AIPL1: variants seen among roughly 807,000 people sequenced by gnomAD.
AIPL1 encodes the protein aryl-hydrocarbon-interacting protein-like 1.
Under a neutral mutation model 32.9 loss-of-function variants are expected in AIPL1, and 23 were observed. The observed-to-expected ratio is 0.70, with a 90% confidence interval of 0.50 to 0.99. The LOEUF is 0.99. Ranked by LOEUF, AIPL1 falls within the 50% of genes least tolerant of loss-of-function variation. The probability of loss-of-function intolerance (pLI) is 0.00; values close to 1 mark genes in which losing one functional copy is unlikely to be tolerated. For missense variants in AIPL1, 485 were observed against 506.0 expected (o/e 0.96, Z 0.40); for synonymous variants, 210 against 209.4 (o/e 1.00, Z -0.02).
In AIPL1 at chr17:6,426,901, G is replaced by A; in HGVS notation, c.622C>T (p.Leu208=). The A allele has an allele frequency of 7.4e-6, 12 of 1,614,194 alleles. No homozygotes were observed. Among genetic ancestry groups the A allele is most frequent in the Non-Finnish European group, 1.0e-5 (12 of 1,180,046 alleles). ...CTGACCTTGGTCTGCAGGTTCCTTAGGCAGATGATGGCCTCCTGGTACTTG... is the reference window on the plus strand; with the variant it reads ...CTGACCTTGGTCTGCAGGTTCCTTAAGCAGATGATGGCCTCCTGGTACTTG... The part of the protein sequence containing the change: ...SSKYQEAIIC[L]RNLQTKEKPW... The change falls in exon 4 of 6, where the codon CTA becomes TTA. Residue 208 remains leucine, a synonymous_variant. Coordinates refer to ENST00000381129, the MANE Select transcript of AIPL1 (RefSeq NM_014336.5).
At position 6,428,401 on chromosome 17, in the gene AIPL1, C is replaced by T. The variant is rs751216669; in HGVS notation, c.382G>A (p.Ala128Thr). The change falls in exon 3 of 6, where the codon GCC (alanine) becomes ACC (threonine). Residue 128 changes from alanine (A) to threonine (T), a missense_variant. Coordinates refer to ENST00000381129, the MANE Select transcript of AIPL1 (RefSeq NM_014336.5). The part of the protein sequence containing the change: ...VHTCGLANMF[A>T]YHTLGYEDLD... Reference sequence around the variant, plus strand: ...TCCTCGTAGCCCAGCGTGTGGTAGGCGAACATGTTGGCCAGCCCGCACGTG... The same window carrying T: ...TCCTCGTAGCCCAGCGTGTGGTAGGTGAACATGTTGGCCAGCCCGCACGTG... The T allele has an allele frequency of 3.2e-5, 51 of 1,613,076 alleles. No individual in the cohort carries two copies. Among genetic ancestry groups the T allele is most frequent in the Non-Finnish European group, 3.8e-5 (45 of 1,180,050 alleles).
intron 2 of AIPL1, among the ~76,000 whole-genome samples, chr17:6,433,611 T>TCTCTCTCTCTCA (rs758622569): frequency 1.6e-4 from 17 of 106,300 alleles, no homozygotes; most frequent in Middle Eastern, 4.4e-3. Flanking sequence ...TCTCTCTCTC[T>TCTCTCTCTCTCA]CACACACACA....
In AIPL1 at chr17:6,425,307, G is replaced by GTTTTT. The variant is rs77115868; in HGVS notation, c.*148_*152dup. ...TAAGCTCTTCTGTACCCTTGGGATT[G>GTTTTT]TTTTTTTTTTTTTTTTTACCATGGG... On this transcript the variant is annotated 3_prime_UTR_variant, in exon 6 of 6. Transcript: ENST00000381129. The GTTTTT allele has an allele frequency of 1.1e-4, 82 of 745,708 alleles. No individual in the cohort carries two copies. In the African/African-American group the frequency reaches 1.3e-3, roughly 11 times the overall value. The allele number at this position is 745,708 out of a possible 1,614,324, so 46.2% of individuals were successfully genotyped here.
At chr17:6,426,808 C>T (rs1397154381) in intron 4 of AIPL1, 52 bp from the exon 5 acceptor site, 2 of 1,612,470 alleles carry the variant, frequency 1.2e-6, no homozygotes, top group Non-Finnish European at 1.7e-6. Flanking sequence ...CAACCCCCGC[C>T]CCACCCTGGC....
At chr17:6,429,636 C>G (rs141236226) in intron 2 of AIPL1, among the ~76,000 whole-genome samples, 150 of 152,316 alleles carry the variant, frequency 9.8e-4, no homozygotes, top group African/African-American at 3.5e-3. Flanking sequence ...GCACACTGCC[C>G]TCACTTATTT....
intron 2 of AIPL1, among the ~76,000 whole-genome samples, chr17:6,430,133 G>A (rs1370346515): frequency 6.6e-6 from 1 of 151,772 alleles, no homozygotes; most frequent in Non-Finnish European, 1.5e-5. Context: ...CTGGGGTGAG[G>A]AGATGTGCGG....
chr17:6,426,163 T>A, intron 5 of AIPL1: 1 of 1,301,092 alleles, frequency 7.7e-7, no homozygotes, highest in Non-Finnish European at 9.8e-7. Context: ...GAGGATTAAA[T>A]GAGATAATAA....
Position 6,433,941 on chromosome 17 carries a change from G to A in AIPL1, c.254C>T (p.Ala85Val). The A allele has an allele frequency of 1.2e-6, 2 of 1,610,262 alleles. No homozygotes were observed. The highest frequency in any genetic ancestry group is 1.7e-6 in the Non-Finnish European group (2 of 1,179,320). ...TACGATGGTGTCGCACCAGAACTCG[G>A]CCACCTCGTGCACCCGCATGGAGGT... Reference protein sequence around the residue: ...LLTSMRVHEVAEFWCDTIHTG... With the variant: ...LLTSMRVHEVVEFWCDTIHTG... The change falls in exon 2 of 6, where the codon GCC becomes GTC. Residue 85 changes from alanine (A) to valine (V), a missense_variant. Coordinates refer to ENST00000381129, the MANE Select transcript of AIPL1 (RefSeq NM_014336.5).
chr17:6,426,933 GCCT>G lies in AIPL1; in HGVS notation c.587_589del (p.Glu196del). 6.2e-7 allele frequency: 1 copy of G among 1,614,190 alleles called. No homozygotes were observed. Among genetic ancestry groups the G allele is most frequent in the South Asian group, 1.1e-5 (1 of 91,086 alleles). Reference sequence around the variant, plus strand: ...GATGGCCTCCTGGTACTTGGAAGAGGCCTCCTCGTAGCGGCCCAGCTTGAAGAG... The same window carrying G: ...GATGGCCTCCTGGTACTTGGAAGAGGCCTCGTAGCGGCCCAGCTTGAAGAG... On this transcript the variant is annotated inframe_deletion, in exon 4 of 6. Transcript: ENST00000381129.
intron 5 of AIPL1, chr17:6,426,056 A>G (rs1188836619): frequency 8.8e-7 from 1 of 1,139,630 alleles, no homozygotes; most frequent in Non-Finnish European, 1.2e-6. Flanking sequence ...TTTTATATTC[A>G]TAACTTTGTT....
In AIPL1 at chr17:6,433,988, G is replaced by C. The variant is rs1273588614; in HGVS notation, c.207C>G (p.Leu69=). 40 of 1,613,738 alleles carry C rather than the reference G, an allele frequency of 2.5e-5. No homozygotes were observed. The highest frequency in any genetic ancestry group is 3.4e-5 in the Non-Finnish European group (40 of 1,179,960). Residue 69 remains leucine (L), a synonymous_variant, in exon 2 of 6, where the codon CTC becomes CTG. Coordinates refer to ENST00000381129, the MANE Select transcript of AIPL1 (RefSeq NM_014336.5). ...MHIIIGNMFK[L]EVWEILLTSM... ...AGGTAAGCAGGATCTCCCAGACCTC[G>C]AGCTTGAACATGTTTCCGATGATGA...
intron 5 of AIPL1, 182 bp downstream of exon 5, chr17:6,426,433 C>T (rs947488958): frequency 6.8e-6 from 10 of 1,459,976 alleles, no homozygotes; most frequent in South Asian, 2.8e-5. Context: ...GGCCGCCCCG[C>T]GCCAAGCACT....
intron 2 of AIPL1, among the ~76,000 whole-genome samples, chr17:6,429,729 G>A (rs921781608): frequency 6.6e-6 from 1 of 152,128 alleles, no homozygotes; most frequent in African/African-American, 2.4e-5. Flanking sequence ...AAGGGCTAGG[G>A]GCTTTGCCTG....
At position 6,425,513 on chromosome 17, in the gene AIPL1, C is replaced by T. The variant is rs746453263; in HGVS notation, c.1102G>A (p.Ala368Thr). 12 of 1,609,780 alleles carry T rather than the reference C, an allele frequency of 7.5e-6. No homozygotes were observed. The highest frequency in any genetic ancestry group is 8.5e-6 in the Non-Finnish European group (10 of 1,179,342). The part of the protein sequence containing the change: ...PSAELSAGPP[A>T]EPATEPPPSP... ...GGGGGTGGCTCTGTGGCTGGCTCTG[C>T]AGGGGGCCCTGCGGACAGCTCTGCA... Residue 368 changes from alanine to threonine, a missense_variant, in exon 6 of 6, where the codon GCA (alanine) becomes ACA (threonine). Transcript: ENST00000381129.
At chr17:6,428,244 G>A (rs1912190750) in intron 3 of AIPL1, 74 bp downstream of exon 3, 6 of 1,530,688 alleles carry the variant, frequency 3.9e-6, no homozygotes, top group East Asian at 2.3e-5. Context: ...CCAGTGGGGT[G>A]GGGGTGCCCA....
At chr17:6,434,243 C>A (rs1244025701) in intron 1 of AIPL1, 145 bp from the exon 2 acceptor site, 9 of 924,112 alleles carry the variant, frequency 9.7e-6, no homozygotes, top group Non-Finnish European at 1.5e-5. Context: ...CCTGGAGCAC[C>A]TCCACCCTGC....
In AIPL1 at chr17:6,426,712, GATC is replaced by G; in HGVS notation, c.684_686del (p.Met228del). The G allele has an allele frequency of 1.2e-6, 2 of 1,614,060 alleles. No individual in the cohort carries two copies. The highest frequency in any genetic ancestry group is 1.7e-6 in the Non-Finnish European group (2 of 1,179,964). ...GGCAGTAGTTGAGGATCAGAGTATT[GATC>G]ATCTTCTCCAGCTTCAGCCACTGCA... On this transcript the variant is annotated inframe_deletion, in exon 5 of 6. Transcript: ENST00000381129.
rs10852881 is a variant in AIPL1, at chr17:6,424,854, C to T, written c.*606G>A. ...TGCTGGGATTATAGGCGTGAGCCACCGTGCCCGACCACAGCTGTTTTCTTC... is the reference window on the plus strand; with the variant it reads ...TGCTGGGATTATAGGCGTGAGCCACTGTGCCCGACCACAGCTGTTTTCTTC... On this transcript the variant is annotated 3_prime_UTR_variant, in exon 6 of 6. Coordinates refer to ENST00000381129, the MANE Select transcript of AIPL1 (RefSeq NM_014336.5). 97,383 of 152,160 alleles carry T rather than the reference C, an allele frequency of 0.64. 32,136 individuals carry two copies. The highest frequency in any genetic ancestry group is 0.86 in the Middle Eastern group (252 of 294). The allele number at this position is 152,160 out of a possible 1,614,324, so 9.4% of individuals were successfully genotyped here.
rs1297009308 is a variant in AIPL1 at position 6,425,526 on chromosome 17, G to C, written c.1089C>G (p.Ser363=). Residue 363 remains serine, a synonymous_variant, in exon 6 of 6, where the codon TCC becomes TCG. Transcript: ENST00000381129. ...TGGCTGGCTCTGCAGGGGGCCCTGC[G>C]GACAGCTCTGCAGATGGTGCTGTGG... The part of the protein sequence containing the change: ...EPPTAPSAEL[S]AGPPAEPATE... The C allele has an allele frequency of 6.2e-7, 1 of 1,611,660 alleles. No individual in the cohort carries two copies. Among genetic ancestry groups the C allele is most frequent in the African/African-American group, 1.3e-5 (1 of 74,770 alleles).
Sources: gnomAD v4.1 joint callset for allele counts (sites outside exome capture counted in the v4.1 genomes callset) on GRCh38, gnomAD v4.1.1 for gene constraint, MANE v1.5 for transcripts, NCBI Gene and HGNC (gene_info 2026-07-23, HGNC 2026-07-21) for gene names.